Variants in DOCK2 observed in about 807,000 individuals in gnomAD.
DOCK2 encodes dedicator of cytokinesis 2, also known as dedicator of cytokinesis protein 2.
DOCK2 carries 87 observed loss-of-function variants against 248.9 expected under a neutral mutation model. That is an observed-to-expected ratio of 0.35 (90% CI 0.29 to 0.42). The LOEUF (loss-of-function observed/expected upper bound fraction) is 0.42. Among genes scored for constraint, DOCK2 ranks in the 10% least tolerant of loss-of-function variants. The pLI is 1.00. For missense variants in DOCK2, 1,747 were observed against 2,300.2 expected (o/e 0.76, Z 4.92); for synonymous variants, 805 against 821.6 (o/e 0.98, Z 0.35).
chr5:169,999,857 C>A (rs745526559), intron 30 of DOCK2, among the ~76,000 whole-genome samples: 6 of 152,160 alleles, frequency 3.9e-5, no homozygotes, highest in Non-Finnish European at 8.8e-5. Context: ...AGCCACTGAC[C>A]AGAGGAGCAG....
chr5:169,917,090 C>T (rs539182630), intron 27 of DOCK2, among the ~76,000 whole-genome samples: 78 of 152,246 alleles, frequency 5.1e-4, no homozygotes, highest in African/African-American at 1.6e-3. Flanking sequence ...GTGGAGTTGA[C>T]GTATGATCAA....
chr5:169,661,290 C>T (rs1317788513), intron 2 of DOCK2, among the ~76,000 whole-genome samples: 6 of 152,128 alleles, frequency 3.9e-5, no homozygotes, highest in African/African-American at 7.2e-5. Context: ...ACTTTCATTG[C>T]AGAGCTCATA....
At chr5:169,908,701 CTTTTCTT>C (rs1774423554) in intron 27 of DOCK2, among the ~76,000 whole-genome samples, 1 of 143,328 alleles carries the variant, frequency 7.0e-6, no homozygotes, top group Non-Finnish European at 1.5e-5. Context: ...GCATTTTTCT[CTTTTCTT>C]TTTTCTTTTT....
intron 26 of DOCK2, 127 bp downstream of exon 26, chr5:169,803,333 G>T: frequency 7.8e-7 from 1 of 1,276,782 alleles, no homozygotes. Flanking sequence ...TTGCTCAGCA[G>T]GCCTACTTTT....
At chr5:169,821,774 A>G (rs958133846) in intron 26 of DOCK2, among the ~76,000 whole-genome samples, 2 of 152,204 alleles carry the variant, frequency 1.3e-5, no homozygotes, top group Non-Finnish European at 2.9e-5. Flanking sequence ...AACAATATTA[A>G]CCTTAAATGT....
intron 2 of DOCK2, among the ~76,000 whole-genome samples, chr5:169,656,991 G>T (rs1288733853): frequency 6.6e-6 from 1 of 152,092 alleles, no homozygotes; most frequent in Non-Finnish European, 1.5e-5. Flanking sequence ...ACAATAACTT[G>T]CTGGAAAAAG....
At position 169,882,656 on chromosome 5, in the gene DOCK2, G is replaced by A; in HGVS notation, c.2799+41804G>A. On this transcript the variant is annotated intron_variant, in intron 27 of 51. Coordinates refer to ENST00000520908, the MANE Select transcript of DOCK2 (RefSeq NM_004946.3). ...AGAGATTCCTCCACAGATTGCAGTC[G>A]GCCTTGGAGGTCGCAGAGTTCACCC... is the stretch of plus-strand genomic sequence containing the variant. The A allele has an allele frequency of 2.6e-6, 4 of 1,551,984 alleles. No homozygotes were observed. The South Asian group carries it at 3.6e-5, about 14-fold the overall frequency.
chr5:170,055,135 GT>G (rs1194100539), intron 41 of DOCK2, among the ~76,000 whole-genome samples, 169 bp from the exon 42 acceptor site: 1 of 152,230 alleles, frequency 6.6e-6, no homozygotes, highest in African/African-American at 2.4e-5. Flanking sequence ...AAGGACCTCA[GT>G]GACTAACTAG....
chr5:170,081,762 C>A (rs1758040097), intron 50 of DOCK2, 80 bp from the exon 51 acceptor site: 1 of 1,174,546 alleles, frequency 8.5e-7, no homozygotes. Context: ...TGTCCCCCAG[C>A]CCTCCCCCTG....
At chr5:169,684,795 A>G (rs34109556) in intron 8 of DOCK2, among the ~76,000 whole-genome samples, 36,714 of 152,034 alleles carry the variant, frequency 0.24, 4,742 homozygotes, top group Middle Eastern at 0.34. Flanking sequence ...GACTATAGGC[A>G]TGTGCCACCA....
At chr5:169,670,823 T>A (rs566150513) in intron 4 of DOCK2, among the ~76,000 whole-genome samples, 4 of 152,298 alleles carry the variant, frequency 2.6e-5, no homozygotes, top group African/African-American at 2.4e-5. Flanking sequence ...AGAATCAAAC[T>A]TTTTGCTGGC....
intron 22 of DOCK2, among the ~76,000 whole-genome samples, chr5:169,743,485 A>G (rs1763439043): frequency 1.3e-5 from 2 of 152,226 alleles, no homozygotes; most frequent in Non-Finnish European, 2.9e-5. Context: ...AAGAACAAGA[A>G]TTTATAATGT....
In DOCK2 at chr5:169,955,612, A is replaced by C. The variant is rs186883979; in HGVS notation, c.2800-27456A>C. Among the ~76,000 whole-genome samples the C allele has an allele frequency of 2.4e-3, 370 of 152,324 alleles. 1 individual carries two copies. The highest frequency in any genetic ancestry group is 3.2e-3 in the Admixed American group (49 of 15,298). On this transcript the variant is annotated intron_variant, in intron 27 of 51. Coordinates refer to ENST00000520908, the MANE Select transcript of DOCK2 (RefSeq NM_004946.3). Reference sequence around the variant, plus strand: ...TTTCCACCTGGTCCTTAAGGTTCTGAGGACCGTGTATGAAGCAGTATCATG... The same window carrying C: ...TTTCCACCTGGTCCTTAAGGTTCTGCGGACCGTGTATGAAGCAGTATCATG...
chr5:169,918,646 C>G (rs1048561370), intron 27 of DOCK2, among the ~76,000 whole-genome samples: 1 of 152,232 alleles, frequency 6.6e-6, no homozygotes, highest in African/African-American at 2.4e-5. Flanking sequence ...GGTGCAGTGG[C>G]TCATGCCTGT....
At chr5:169,872,365 T>A (rs974079609) in intron 27 of DOCK2, among the ~76,000 whole-genome samples, 12 of 152,160 alleles carry the variant, frequency 7.9e-5, no homozygotes, top group African/African-American at 2.9e-4. Flanking sequence ...GGAACTTTAG[T>A]TTGTATGTTT....
chr5:169,758,150 A>T (rs911915511), intron 23 of DOCK2, among the ~76,000 whole-genome samples: 1 of 152,214 alleles, frequency 6.6e-6, no homozygotes, highest in Admixed American at 6.5e-5. Flanking sequence ...TAATGTACCC[A>T]TTTGAGCAGT....
chr5:169,765,483 G>A (rs964987581), intron 25 of DOCK2, among the ~76,000 whole-genome samples: 37 of 152,190 alleles, frequency 2.4e-4, no homozygotes, highest in African/African-American at 7.2e-4. Context: ...AGATATGCCC[G>A]GAGAAAGCTC....
chr5:169,970,917 G>A (rs1234640186), intron 27 of DOCK2, among the ~76,000 whole-genome samples: 1 of 151,806 alleles, frequency 6.6e-6, no homozygotes, highest in Non-Finnish European at 1.5e-5. Context: ...TGGGAGCTGG[G>A]TGCAGGAAGA....
intron 27 of DOCK2, among the ~76,000 whole-genome samples, chr5:169,907,659 C>A (rs968619130): frequency 1.3e-5 from 2 of 152,142 alleles, no homozygotes; most frequent in African/African-American, 4.8e-5. Context: ...TCAGAGAGGT[C>A]AAATTCTTGC....
Sources: allele counts gnomAD v4.1 joint callset (sites outside exome capture counted in the v4.1 genomes callset), GRCh38; gene constraint gnomAD v4.1.1; transcripts MANE v1.5; gene names NCBI Gene and HGNC (gene_info 2026-07-23, HGNC 2026-07-21).